The following CNTN6 variants were observed in gnomAD, a reference collection of about 807,000 sequenced individuals.
The protein encoded by CNTN6 is contactin-6.
In CNTN6, 137 loss-of-function variants were observed where a neutral mutation model predicts 122.8. The observed-to-expected ratio is 1.12, with a 90% CI of 0.97 to 1.29. CNTN6 has a LOEUF of 1.29. CNTN6 is among the 50% of genes most tolerant of loss of function. CNTN6 has a pLI of 0.00. For synonymous variants in CNTN6, 570 were observed against 426.0 expected, an observed-to-expected ratio of 1.34 and a Z score of -4.16; for missense variants, 1,634 against 1,223.4, an observed-to-expected ratio of 1.34 and a Z score of -5.01.
At chr3:1,133,644 T>C (rs2092396443) in intron 1 of CNTN6, among the ~76,000 whole-genome samples, 1 of 148,148 alleles carries the variant, frequency 6.8e-6, no homozygotes, top group South Asian at 2.1e-4. Flanking sequence ...GACTTTATTT[T>C]CTTTTCCATT....
rs558522078 is a variant in CNTN6 at position 1,127,839 on chromosome 3, C to T, written c.-82-20088C>T. On this transcript the variant is annotated intron_variant, in intron 1 of 22. Transcript: ENST00000446702. The stretch of plus-strand genomic sequence containing the variant: ...CAATTGATGTGGTATTTTCTAATAT[C>T]TGATACAGCTTTTCAATTTTGTGTG... Among the ~76,000 whole-genome samples the T allele has an allele frequency of 2.5e-4, 38 of 151,904 alleles. No individual in the cohort carries two copies. In the South Asian group the frequency reaches 7.9e-3, roughly 32 times the overall value.
intron 2 of CNTN6, 116 bp from the exon 3 acceptor site, chr3:1,220,571 G>GATTGTTTT: frequency 1.1e-6 from 1 of 943,170 alleles, no homozygotes; most frequent in Non-Finnish European, 1.4e-6. Flanking sequence ...GTGAATTTGA[G>GATTGTTTT]ATTGTTTTAA....
chr3:1,198,513 A>G lies in CNTN6; in HGVS notation c.56-22174A>G, dbSNP rs2093810895. The stretch of plus-strand genomic sequence containing the variant: ...CAAGGCAGGTGGATCACCTGAGGTT[A>G]GGGATTCGAGACCAACCTGACCAAC... On this transcript the variant is annotated intron_variant, in intron 2 of 22. Transcript: ENST00000446702. 2.0e-5 allele frequency among the ~76,000 whole-genome samples: 3 copies of G among 152,172 alleles called. No homozygotes were observed. The South Asian group carries it at 6.2e-4, about 32-fold the overall frequency.
At chr3:1,255,798 G>T (rs1227538806) in intron 4 of CNTN6, among the ~76,000 whole-genome samples, 1 of 152,058 alleles carries the variant, frequency 6.6e-6, no homozygotes, top group African/African-American at 2.4e-5. Context: ...TCAGCCTCCT[G>T]AGTAGTAGCT....
rs56839367 is a variant in CNTN6, at chr3:1,225,774, A to C, written c.183-2044A>C. Among the ~76,000 whole-genome samples, 848 of 152,064 alleles carry C rather than the reference A, an allele frequency of 5.6e-3. 7 individuals carry two copies. Among genetic ancestry groups the C allele is most frequent in the African/African-American group, 0.02 (823 of 41,464 alleles). On this transcript the variant is annotated intron_variant, in intron 3 of 22. Coordinates refer to ENST00000446702, the MANE Select transcript of CNTN6 (RefSeq NM_001289080.2). The stretch of plus-strand genomic sequence containing the variant: ...TCTCTACAAATTCCTCTAGAAAAAA[A>C]TGATCGCAGAAAATCTAGGCAAATG...
intron 7 of CNTN6, among the ~76,000 whole-genome samples, chr3:1,309,687 T>C (rs1015887928): frequency 5.9e-5 from 9 of 152,194 alleles, no homozygotes; most frequent in African/African-American, 1.9e-4. Flanking sequence ...GGGGTTTTGA[T>C]TGGGATTGAC....
chr3:1,244,179 T>A (rs1304708818), intron 4 of CNTN6, among the ~76,000 whole-genome samples: 1 of 152,006 alleles, frequency 6.6e-6, no homozygotes, highest in Non-Finnish European at 1.5e-5. Flanking sequence ...GTCAGGTGTG[T>A]GTTGAAGAGG....
In CNTN6 at chr3:1,352,420, T is replaced by C. The variant is rs1223147282; in HGVS notation, c.1461T>C (p.Thr487=). 8.7e-6 allele frequency: 14 copies of C among 1,609,894 alleles called. No individual in the cohort carries two copies. The highest frequency in any genetic ancestry group is 1.0e-5 in the Non-Finnish European group (12 of 1,177,300). The change falls in exon 12 of 23, where the codon ACT becomes ACC. Residue 487 remains threonine, a synonymous_variant. Coordinates refer to ENST00000446702, the MANE Select transcript of CNTN6 (RefSeq NM_001289080.2). Reference sequence around the variant, plus strand: ...GCATAGCCACAAATCAGTTTGGCACTGCAAAGAACACTGGCAGCCTCATTG... The same window carrying C: ...GCATAGCCACAAATCAGTTTGGCACCGCAAAGAACACTGGCAGCCTCATTG... The part of the protein sequence containing the change: ...YTCIATNQFG[T]AKNTGSLIVK...
chr3:1,133,351 A>ATAC (rs1337594487), intron 1 of CNTN6, among the ~76,000 whole-genome samples: 1 of 152,170 alleles, frequency 6.6e-6, no homozygotes, highest in East Asian at 1.9e-4. Flanking sequence ...AATAATAATA[A>ATAC]TAATAGCAGC....
At chr3:1,286,786 A>G (rs895003788) in intron 5 of CNTN6, among the ~76,000 whole-genome samples, 2 of 152,164 alleles carry the variant, frequency 1.3e-5, no homozygotes, top group Non-Finnish European at 2.9e-5. Context: ...AGTATCTCAC[A>G]TGGAGACCCA....
At position 1,336,048 on chromosome 3, in the gene CNTN6, TCAAA is replaced by T. The variant is rs1295779881; in HGVS notation, c.1364+6129_1364+6132del. ...CTGGGTAACAGAGGGAGACCCTGTT[TCAAA>T]CAAACAAACAAACAACAACAACAAA... On this transcript the variant is annotated intron_variant, in intron 11 of 22. Transcript: ENST00000446702. Among the ~76,000 whole-genome samples the T allele has an allele frequency of 5.7e-5, 6 of 105,644 alleles. No homozygotes were observed. In the South Asian group the frequency reaches 7.3e-4, roughly 13 times the overall value. 69.3% of individuals were successfully genotyped at this position (105,644 alleles called of 152,430 possible).
intron 20 of CNTN6, among the ~76,000 whole-genome samples, chr3:1,394,673 T>G (rs1272993008): frequency 6.6e-6 from 1 of 152,290 alleles, no homozygotes; most frequent in East Asian, 1.9e-4. Context: ...AAATTAAAAG[T>G]GTTAGTTTGT....
At chr3:1,190,982 CAG>C (rs1464085208) in intron 2 of CNTN6, among the ~76,000 whole-genome samples, 4 of 152,128 alleles carry the variant, frequency 2.6e-5, no homozygotes, top group Non-Finnish European at 5.9e-5. Flanking sequence ...TCAACCATCT[CAG>C]AGCATGTTGA....
chr3:1,163,575 C>A (rs1575080660), intron 2 of CNTN6, among the ~76,000 whole-genome samples: 2 of 152,128 alleles, frequency 1.3e-5, no homozygotes, highest in South Asian at 4.1e-4. Flanking sequence ...CCACACCTGG[C>A]TAATTTTTTA....
At position 1,404,105 on chromosome 3, in the gene CNTN6, C is replaced by T. The variant is rs1696048184; in HGVS notation, c.*687C>T. 6.6e-6 allele frequency: 1 copy of T among 152,086 alleles called. No individual in the cohort carries two copies. Among genetic ancestry groups the T allele is most frequent in the Non-Finnish European group, 1.5e-5 (1 of 68,030 alleles). The allele number at this position is 152,086 out of a possible 1,614,324, so 9.4% of individuals were successfully genotyped here. On this transcript the variant is annotated 3_prime_UTR_variant, in exon 23 of 23. Transcript: ENST00000446702. ...CTCTGGTATATATTAAGCAATTGCT[C>T]ATGGCAAAGTTGAACATTTGAACTG...
chr3:1,392,362 G>A (rs1176701089), intron 20 of CNTN6, among the ~76,000 whole-genome samples: 5 of 152,118 alleles, frequency 3.3e-5, no homozygotes, highest in African/African-American at 9.7e-5. Flanking sequence ...TATGTAGAAA[G>A]CTGAAACTGG....
intron 11 of CNTN6, among the ~76,000 whole-genome samples, chr3:1,336,791 C>T (rs953275725): frequency 1.2e-4 from 18 of 152,100 alleles, no homozygotes; most frequent in Admixed American, 9.2e-4. Context: ...TTAGAGCAGA[C>T]CCACTGCACT....
At chr3:1,108,722 G>A in intron 1 of CNTN6, among the ~76,000 whole-genome samples, 1 of 152,002 alleles carries the variant, frequency 6.6e-6, no homozygotes, top group East Asian at 1.9e-4. Context: ...ATAAATAACT[G>A]ATTTTAGACT....
At chr3:1,238,220 T>G (rs1214175927) in intron 4 of CNTN6, among the ~76,000 whole-genome samples, 1 of 152,050 alleles carries the variant, frequency 6.6e-6, no homozygotes, top group Non-Finnish European at 1.5e-5. Flanking sequence ...GAACTCAAAT[T>G]TACTTATAGT....
Sources: allele counts gnomAD v4.1 joint callset (sites outside exome capture counted in the v4.1 genomes callset), GRCh38; gene constraint gnomAD v4.1.1; transcripts MANE v1.5; gene names NCBI Gene and HGNC (gene_info 2026-07-23, HGNC 2026-07-21).